STON2: variants seen among roughly 807,000 people sequenced by gnomAD.
STON2 encodes stonin 2.
A neutral mutation model predicts 65.7 loss-of-function variants in STON2; 29 were observed. That is an observed-to-expected ratio of 0.44 (90% CI 0.33 to 0.60). The LOEUF (loss-of-function observed/expected upper bound fraction) is 0.60. STON2 is among the 20% of genes least tolerant of loss of function. STON2 has a pLI of 0.03. For missense variants in STON2, 1,054 were observed against 1,118.1 expected, an observed-to-expected ratio of 0.94 and a Z score of 0.82; for synonymous variants, 404 against 414.2, an observed-to-expected ratio of 0.98 and a Z score of 0.30.
chr14:81,283,704 T>C (rs573353951), intron 5 of STON2, among the ~76,000 whole-genome samples: 1 of 152,280 alleles, frequency 6.6e-6, no homozygotes, highest in Admixed American at 6.5e-5. Flanking sequence ...CTAATTTTTG[T>C]ATTTTTAGTA....
At position 81,368,998 on chromosome 14, in the gene STON2, A is replaced by G. The variant is rs559999939; in HGVS notation, c.571+1990T>C. On this transcript the variant is annotated intron_variant, in intron 4 of 7. Transcript: ENST00000614646. ...CTGTGGGCTGCTTCCCCAGGGCTTCATGTCCTTTGGCCTCAGGCTAGGATC... is the reference window on the plus strand; with the variant it reads ...CTGTGGGCTGCTTCCCCAGGGCTTCGTGTCCTTTGGCCTCAGGCTAGGATC... Among the ~76,000 whole-genome samples, 43 of 152,232 alleles carry G rather than the reference A, an allele frequency of 2.8e-4. No homozygotes were observed. The South Asian group carries it at 5.4e-3, about 19-fold the overall frequency.
chr14:81,394,594 C>A (rs1218694446), intron 3 of STON2, among the ~76,000 whole-genome samples: 1 of 152,084 alleles, frequency 6.6e-6, no homozygotes. Flanking sequence ...CCACAGAGGT[C>A]CTTAATGCCT....
intron 4 of STON2, among the ~76,000 whole-genome samples, chr14:81,331,499 G>A (rs1897213053): frequency 6.6e-6 from 1 of 152,126 alleles, no homozygotes; most frequent in African/African-American, 2.4e-5. Flanking sequence ...CAATACTACT[G>A]GGAGGGGGGG....
rs181979464 is a variant in STON2, at chr14:81,335,233, T to C, written c.572-11046A>G. On this transcript the variant is annotated intron_variant, in intron 4 of 7. Coordinates refer to ENST00000614646, the MANE Select transcript of STON2 (RefSeq NM_001394390.1). ...CATTCTTTATATAAAGACTGACCAG[T>C]GATAGTCTCAAAAACACTATTCAAG... Among the ~76,000 whole-genome samples, 6 of 152,118 alleles carry C rather than the reference T, an allele frequency of 3.9e-5. No homozygotes were observed. The East Asian group carries it at 1.2e-3, about 29-fold the overall frequency.
At chr14:81,370,244 G>A (rs547249653) in intron 4 of STON2, among the ~76,000 whole-genome samples, 5 of 152,224 alleles carry the variant, frequency 3.3e-5, no homozygotes, top group East Asian at 1.9e-4. Context: ...ACAGAGAAAC[G>A]AGCAGTAACT....
At chr14:81,424,123 C>T (rs552270350) in intron 2 of STON2, among the ~76,000 whole-genome samples, 2 of 152,318 alleles carry the variant, frequency 1.3e-5, no homozygotes, top group Admixed American at 1.3e-4. Flanking sequence ...ACTCACTCAT[C>T]CCCACACTCC....
Position 81,412,979 on chromosome 14 carries a change from C to CA in STON2, c.-199+14122dup, listed in dbSNP as rs1310291706. ...TTCTCCATGGGTAACCATGTGCGAC[C>CA]AAAAGGCCGTGATCAAAAATGCGGA... On this transcript the variant is annotated intron_variant, in intron 2 of 8. Transcript: ENST00000553821. The CA allele has an allele frequency of 7.5e-5, 79 of 1,058,502 alleles. 21 individuals are homozygous for CA. In the East Asian group the frequency reaches 2.4e-3, roughly 32 times the overall value. 65.6% of individuals were successfully genotyped at this position (1,058,502 alleles called of 1,614,324 possible). A position where few individuals can be genotyped will look rare whatever the true frequency, so the allele number is the denominator to read the frequency against.
intron 2 of STON2, among the ~76,000 whole-genome samples, chr14:81,418,676 G>A (rs1901558560): frequency 6.6e-6 from 1 of 152,202 alleles, no homozygotes; most frequent in Non-Finnish European, 1.5e-5. Context: ...AGGGGCAAGA[G>A]GCTAGTTCCT....
At chr14:81,377,468 A>G (rs1899306793) in intron 3 of STON2, among the ~76,000 whole-genome samples, 1 of 152,224 alleles carries the variant, frequency 6.6e-6, no homozygotes, top group African/African-American at 2.4e-5. Context: ...TAAAGCTGCT[A>G]TAAACATTTG....
chr14:81,416,073 C>T (rs1042450883), intron 2 of STON2, among the ~76,000 whole-genome samples: 1 of 152,178 alleles, frequency 6.6e-6, no homozygotes, highest in African/African-American at 2.4e-5. Flanking sequence ...AGCACAAGCT[C>T]TTCGGGCAGC....
At chr14:81,423,435 T>C (rs1595470789) in intron 2 of STON2, among the ~76,000 whole-genome samples, 1 of 152,190 alleles carries the variant, frequency 6.6e-6, no homozygotes, top group African/African-American at 2.4e-5. Flanking sequence ...TGTTAAAAAC[T>C]GTCACCCTAG....
At chr14:81,375,063 T>G (rs1373643141) in intron 3 of STON2, among the ~76,000 whole-genome samples, 1 of 152,112 alleles carries the variant, frequency 6.6e-6, no homozygotes, top group African/African-American at 2.4e-5. Context: ...CAATGTGCAC[T>G]TCAAAGTATA....
At chr14:81,341,310 C>T (rs187660598) in intron 4 of STON2, among the ~76,000 whole-genome samples, 67 of 152,158 alleles carry the variant, frequency 4.4e-4, no homozygotes, top group African/African-American at 8.4e-4. Flanking sequence ...TTCATCAGGA[C>T]GGTGCTTGTT....
At chr14:81,377,943 G>T (rs997410624) in intron 3 of STON2, among the ~76,000 whole-genome samples, 2 of 151,900 alleles carry the variant, frequency 1.3e-5, no homozygotes, top group Non-Finnish European at 2.9e-5. Context: ...CACTTCCTGG[G>T]TTCAAGCAAT....
intron 2 of STON2, among the ~76,000 whole-genome samples, chr14:81,421,089 G>C (rs1330581206): frequency 6.6e-6 from 1 of 152,150 alleles, no homozygotes; most frequent in African/African-American, 2.4e-5. Flanking sequence ...ATAGGTCAGG[G>C]GGCAGGGATG....
intron 4 of STON2, among the ~76,000 whole-genome samples, chr14:81,337,345 T>A (rs186577164): frequency 7.2e-5 from 11 of 152,320 alleles, no homozygotes; most frequent in Admixed American, 6.5e-4. Context: ...AGATAATTAT[T>A]GAGCATCTAC....
intron 4 of STON2, among the ~76,000 whole-genome samples, chr14:81,369,642 T>C (rs1215128065): frequency 1.3e-5 from 2 of 152,180 alleles, no homozygotes. Context: ...CTTGGTGAGG[T>C]ATACCCATTT....
At position 81,267,325 on chromosome 14, in the gene STON2, T is replaced by C. The variant is rs1894395113; in HGVS notation, c.*1089A>G. ...TCCACGTCTCTACCCTAGAGATGCC[T>C]TTTCAATCCAATCCAATACTGTGAT... On this transcript the variant is annotated 3_prime_UTR_variant, in exon 8 of 8. Coordinates refer to ENST00000614646, the MANE Select transcript of STON2 (RefSeq NM_001394390.1). 1.0e-6 allele frequency: 1 copy of C among 985,244 alleles called. No individual in the cohort carries two copies. Among genetic ancestry groups the C allele is most frequent in the South Asian group, 4.7e-5 (1 of 21,298 alleles). 61.0% of individuals were successfully genotyped at this position (985,244 alleles called of 1,614,324 possible).
In STON2 at chr14:81,300,247, T is replaced by C. The variant is rs114735197; in HGVS notation, c.743-21508A>G. Among the ~76,000 whole-genome samples, 364 of 151,710 alleles carry C rather than the reference T, an allele frequency of 2.4e-3. 4 individuals are homozygous for C. The highest frequency in any genetic ancestry group is 8.5e-3 in the African/African-American group (351 of 41,344). Reference sequence around the variant, plus strand: ...CAACTAGATATCCATACAGAAAAAGTAGACCTTTACCCTTCCTTCTCTCTC... The same window carrying C: ...CAACTAGATATCCATACAGAAAAAGCAGACCTTTACCCTTCCTTCTCTCTC... On this transcript the variant is annotated intron_variant, in intron 5 of 7. Coordinates refer to ENST00000614646, the MANE Select transcript of STON2 (RefSeq NM_001394390.1).
Sources: gnomAD v4.1 joint callset for allele counts (sites outside exome capture counted in the v4.1 genomes callset) on GRCh38, gnomAD v4.1.1 for gene constraint, MANE v1.5 for transcripts, NCBI Gene and HGNC (gene_info 2026-07-23, HGNC 2026-07-21) for gene names.